The following IQCM variants were observed in gnomAD, a reference collection of about 807,000 sequenced individuals.
The protein encoded by IQCM is IQ domain-containing protein M.
In IQCM, 45 loss-of-function variants were observed where a neutral mutation model predicts 57.6. The observed-to-expected ratio is 0.78, with a 90% confidence interval of 0.62 to 1.00. IQCM has a LOEUF of 1.00. IQCM is among the 50% of genes least tolerant of loss of function. The pLI, the probability that IQCM is intolerant of heterozygous loss-of-function variation, is 0.00. For missense variants in IQCM, 468 were observed against 511.6 expected (o/e 0.91, Z 0.82); for synonymous variants, 148 against 158.9 (o/e 0.93, Z 0.51).
intron 12 of IQCM, among the ~76,000 whole-genome samples, chr4:149,488,677 G>T (rs898448588): frequency 9.2e-5 from 14 of 152,012 alleles, no homozygotes; most frequent in African/African-American, 2.7e-4. Flanking sequence ...ACCCAAAAAG[G>T]CTCTATTGGG....
chr4:149,383,577 A>C (rs1419309093), intron 13 of IQCM, among the ~76,000 whole-genome samples: 8 of 152,196 alleles, frequency 5.3e-5, no homozygotes, highest in Admixed American at 5.2e-4. Flanking sequence ...TACATTTGAA[A>C]GACTAGATCT....
Position 149,353,077 on chromosome 4 carries a change from G to A in IQCM, c.1391-1011C>T, listed in dbSNP as rs1728687587. On this transcript the variant is annotated intron_variant, in intron 13 of 13. Coordinates refer to ENST00000636793, the MANE Select transcript of IQCM (RefSeq NM_001363507.2). Reference sequence around the variant, plus strand: ...TATCTCCATATTGTTATTTGACAAAGAGCAAGGCCTTATAACAACAAGATT... The same window carrying A: ...TATCTCCATATTGTTATTTGACAAAAAGCAAGGCCTTATAACAACAAGATT... Among the ~76,000 whole-genome samples the A allele has an allele frequency of 3.9e-5, 6 of 152,198 alleles. No homozygotes were observed. The South Asian group carries it at 1.2e-3, about 32-fold the overall frequency.
intron 9 of IQCM, among the ~76,000 whole-genome samples, chr4:149,574,232 G>T (rs996147247): frequency 6.6e-6 from 1 of 151,882 alleles, no homozygotes; most frequent in Non-Finnish European, 1.5e-5. Context: ...CCCTCCAAAT[G>T]TAATTTTTAA....
At chr4:149,548,917 A>C (rs1267418572) in intron 11 of IQCM, among the ~76,000 whole-genome samples, 1 of 152,184 alleles carries the variant, frequency 6.6e-6, no homozygotes, top group African/African-American at 2.4e-5. Flanking sequence ...CCTGACACCT[A>C]CTGATCCATT....
At chr4:149,521,940 G>C (rs1745688474) in intron 12 of IQCM, among the ~76,000 whole-genome samples, 1 of 152,138 alleles carries the variant, frequency 6.6e-6, no homozygotes, top group Non-Finnish European at 1.5e-5. Flanking sequence ...TGAATGCTGA[G>C]GGGAGGTTCC....
At chr4:149,565,892 T>C (rs1467689136) in intron 9 of IQCM, among the ~76,000 whole-genome samples, 1 of 152,186 alleles carries the variant, frequency 6.6e-6, no homozygotes, top group Non-Finnish European at 1.5e-5. Flanking sequence ...GGCTGATTCA[T>C]TCTATCATTT....
chr4:149,440,379 G>T (rs1394785359), intron 12 of IQCM, among the ~76,000 whole-genome samples: 2 of 151,846 alleles, frequency 1.3e-5, no homozygotes, highest in Non-Finnish European at 2.9e-5. Context: ...GGGGCAGAGG[G>T]CAACTCTATG....
rs1749203740 is a variant in IQCM, at chr4:149,553,216, A to G, written c.1020T>C (p.Tyr340=). 1 of 1,232,024 alleles carries G rather than the reference A, an allele frequency of 8.1e-7. No individual in the cohort carries two copies. The highest frequency in any genetic ancestry group is 1.5e-5 in the African/African-American group (1 of 64,550). 76.3% of individuals were successfully genotyped at this position (1,232,024 alleles called of 1,614,324 possible). ...MYGRLIHRVR[Y]RRGLWRTRQI... is the part of the protein sequence containing the mutation. ...GTCTTGTCCTCCAAAGACCACGTCGATATCTAACACGGTGGATTAGTCTGC... is the reference window on the plus strand; with the variant it reads ...GTCTTGTCCTCCAAAGACCACGTCGGTATCTAACACGGTGGATTAGTCTGC... The change falls in exon 11 of 14, where the codon TAT becomes TAC. Residue 340 remains tyrosine, a synonymous_variant. Coordinates refer to ENST00000636793, the MANE Select transcript of IQCM (RefSeq NM_001363507.2).
At chr4:149,607,416 A>C (rs1754887489) in intron 8 of IQCM, among the ~76,000 whole-genome samples, 1 of 152,142 alleles carries the variant, frequency 6.6e-6, no homozygotes, top group African/African-American at 2.4e-5. Flanking sequence ...CTGAGAAAAA[A>C]AAGAGGTTAG....
At chr4:149,396,735 T>C (rs1412987033) in intron 13 of IQCM, among the ~76,000 whole-genome samples, 1 of 152,030 alleles carries the variant, frequency 6.6e-6, no homozygotes, top group Non-Finnish European at 1.5e-5. Flanking sequence ...CACTAGCCTC[T>C]GGAACTACCA....
At chr4:149,491,521 T>C (rs935744376) in intron 12 of IQCM, among the ~76,000 whole-genome samples, 3 of 152,164 alleles carry the variant, frequency 2.0e-5, no homozygotes, top group African/African-American at 7.2e-5. Flanking sequence ...TATTTGTTTT[T>C]CTGCGCCTGG....
intron 8 of IQCM, among the ~76,000 whole-genome samples, chr4:149,604,521 C>A (rs1754606203): frequency 6.6e-6 from 1 of 152,098 alleles, no homozygotes. Flanking sequence ...CAAATTTAAA[C>A]CAACACAATA....
At chr4:149,391,148 G>A (rs983515965) in intron 13 of IQCM, among the ~76,000 whole-genome samples, 1 of 151,846 alleles carries the variant, frequency 6.6e-6, no homozygotes, top group African/African-American at 2.4e-5. Flanking sequence ...TATGAGAAGG[G>A]TTTTAACTAG....
chr4:149,713,404 T>A (rs934637686), intron 5 of IQCM, among the ~76,000 whole-genome samples: 3 of 152,182 alleles, frequency 2.0e-5, no homozygotes, highest in African/African-American at 7.2e-5. Flanking sequence ...TGTCTTTCTA[T>A]CCACCCTGTG....
rs534827271 is a variant in IQCM, at chr4:149,729,179, C to T, written c.385+4065G>A. On this transcript the variant is annotated intron_variant, in intron 5 of 13. Transcript: ENST00000636793. ...TAGACAATGATTTTGTCCTGGGACG[C>T]GCTCTCTTCATTTTTTCAGTGGCCT... Among the ~76,000 whole-genome samples the T allele has an allele frequency of 1.4e-4, 22 of 152,238 alleles. No homozygotes were observed. In the South Asian group the frequency reaches 2.3e-3, roughly 16 times the overall value.
intron 10 of IQCM, among the ~76,000 whole-genome samples, chr4:149,556,921 C>G (rs1749641349): frequency 6.6e-6 from 1 of 152,182 alleles, no homozygotes; most frequent in African/African-American, 2.4e-5. Flanking sequence ...ATTATTATTA[C>G]TACTACCTGA....
chr4:149,414,547 A>C (rs1057504831), intron 13 of IQCM, among the ~76,000 whole-genome samples: 11 of 152,050 alleles, frequency 7.2e-5, no homozygotes, highest in Non-Finnish European at 1.0e-4. Context: ...TCATCGATAC[A>C]CTCAGAGTTT....
At chr4:149,457,013 G>A (rs1167004515) in intron 12 of IQCM, among the ~76,000 whole-genome samples, 3 of 152,022 alleles carry the variant, frequency 2.0e-5, no homozygotes. Flanking sequence ...AAAAAGCTCA[G>A]AGAGGTTAAA....
chr4:149,520,040 A>G (rs942031877), intron 12 of IQCM, among the ~76,000 whole-genome samples: 4 of 152,036 alleles, frequency 2.6e-5, no homozygotes, highest in Non-Finnish European at 5.9e-5. Context: ...CCACTATCCT[A>G]TTTTATATCC....
Sources: gnomAD v4.1 joint callset for allele counts (sites outside exome capture counted in the v4.1 genomes callset) on GRCh38, gnomAD v4.1.1 for gene constraint, MANE v1.5 for transcripts, NCBI Gene and HGNC (gene_info 2026-07-23, HGNC 2026-07-21) for gene names.